Variants in CHST15 observed in about 807,000 individuals in gnomAD.
CHST15 encodes carbohydrate sulfotransferase 15.
CHST15 carries 30 observed loss-of-function variants against 53.6 expected under a neutral mutation model. That is an observed-to-expected ratio of 0.56 (90% CI 0.42 to 0.76). The LOEUF (loss-of-function observed/expected upper bound fraction) is 0.76. Ranked by LOEUF, CHST15 falls within the 30% of genes least tolerant of loss-of-function variation. The probability of loss-of-function intolerance (pLI) is 0.00; values close to 1 mark genes in which losing one functional copy is unlikely to be tolerated. For missense variants in CHST15, 627 were observed against 740.5 expected (o/e 0.85, Z 1.78); for synonymous variants, 296 against 289.8 (o/e 1.02, Z -0.22).
chr10:124,048,478 T>C (rs1012610765), intron 1 of CHST15, among the ~76,000 whole-genome samples: 2 of 152,150 alleles, frequency 1.3e-5, no homozygotes, highest in African/African-American at 4.8e-5. Flanking sequence ...TACCCCCATC[T>C]CTTATCCCTG....
intron 7 of CHST15, chr10:124,010,802 CCTG>C (rs1183656249): frequency 1.0e-6 from 1 of 985,324 alleles, no homozygotes; most frequent in Non-Finnish European, 1.2e-6. Flanking sequence ...GGTCCCTGGG[CCTG>C]CACAGTTTCA....
chr10:124,065,447 TTA>T (rs1948724403), intron 1 of CHST15, among the ~76,000 whole-genome samples: 1 of 152,170 alleles, frequency 6.6e-6, no homozygotes, highest in African/African-American at 2.4e-5. Flanking sequence ...GCCTCTAGGC[TTA>T]GTCTCTATGT....
chr10:124,060,945 T>C (rs1948552807), intron 1 of CHST15, among the ~76,000 whole-genome samples: 1 of 152,028 alleles, frequency 6.6e-6, no homozygotes, highest in Non-Finnish European at 1.5e-5. Flanking sequence ...TGAGCTGCCA[T>C]TTTATGGCAG....
At chr10:124,013,849 C>A (rs1193740506) in intron 6 of CHST15, among the ~76,000 whole-genome samples, 1 of 152,186 alleles carries the variant, frequency 6.6e-6, no homozygotes, top group African/African-American at 2.4e-5. Flanking sequence ...CTTCTCATCT[C>A]CCACCTCTCC....
At chr10:124,062,334 C>T (rs539849773) in intron 1 of CHST15, among the ~76,000 whole-genome samples, 1 of 152,302 alleles carries the variant, frequency 6.6e-6, no homozygotes, top group South Asian at 2.1e-4. Context: ...GGCACATACC[C>T]TTGTGGAAAG....
At chr10:124,023,790 T>C (rs906163136) in intron 5 of CHST15, among the ~76,000 whole-genome samples, 2 of 152,104 alleles carry the variant, frequency 1.3e-5, no homozygotes, top group African/African-American at 4.8e-5. Flanking sequence ...GGCAATTCTG[T>C]GACTCTCATT....
At chr10:124,013,110 ACT>A (rs1181216252) in intron 6 of CHST15, among the ~76,000 whole-genome samples, 1 of 150,942 alleles carries the variant, frequency 6.6e-6, no homozygotes, top group East Asian at 1.9e-4. Context: ...TGAAGATTTA[ACT>A]CTACTCAGAG....
At chr10:124,027,962 T>A (rs1256738882) in intron 5 of CHST15, among the ~76,000 whole-genome samples, 1 of 152,264 alleles carries the variant, frequency 6.6e-6, no homozygotes, top group Non-Finnish European at 1.5e-5. Context: ...TTTCGGGTTT[T>A]GTTTGTTTAG....
chr10:124,010,321 T>G lies in CHST15; in HGVS notation c.1514A>C (p.Gln505Pro). 1 of 1,605,548 alleles carries G rather than the reference T, an allele frequency of 6.2e-7. No homozygotes were observed. ...FLNLGPLSEK[Q>P]EALMTKSPAS... ...GGGGCTCTTGGTCATCAAAGCCTCC[T>G]GCTTCTCACTTAAGGGCCCTAGAAT... The change falls in exon 8 of 8, where the codon CAG (glutamine) becomes CCG (proline). Residue 505 changes from glutamine to proline, a missense_variant. By Grantham distance (76) the Gln-to-Pro change is moderately conservative (BLOSUM62 -1). This residue lies in a region of CHST15 where 279 missense variants were observed against 371.6 expected (regional missense o/e 0.75). Transcript: ENST00000435907.
At chr10:124,066,899 G>A (rs1686200135) in intron 1 of CHST15, among the ~76,000 whole-genome samples, 1 of 152,262 alleles carries the variant, frequency 6.6e-6, no homozygotes, top group Admixed American at 6.5e-5. Context: ...TTTGGTGACA[G>A]CACATGCCTT....
chr10:124,012,477 T>G lies in CHST15; in HGVS notation c.1351A>C (p.Arg451=). ...NNTLNNAMPV[R]LQVGLYAVYL... The stretch of plus-strand genomic sequence containing the variant: ...ACAGCATAGAGCCCAACCTGGAGCC[T>G]CACCTAGGACCACAGAAGAAGGGCA... Residue 451 remains arginine (R), a synonymous_variant, in exon 7 of 8, where the codon AGG becomes CGG. Transcript: ENST00000435907. 1 of 1,612,440 alleles carries G rather than the reference T, an allele frequency of 6.2e-7. No individual in the cohort carries two copies. Among genetic ancestry groups the G allele is most frequent in the Non-Finnish European group, 8.5e-7 (1 of 1,178,824 alleles).
chr10:124,059,519 C>T (rs1948489662), intron 1 of CHST15, among the ~76,000 whole-genome samples: 1 of 152,146 alleles, frequency 6.6e-6, no homozygotes, highest in Non-Finnish European at 1.5e-5. Context: ...CCCCAGAGTC[C>T]CCTTGCCCAC....
chr10:124,039,381 G>A (rs1947648430), intron 4 of CHST15, among the ~76,000 whole-genome samples: 1 of 152,336 alleles, frequency 6.6e-6, no homozygotes, highest in South Asian at 2.1e-4. Context: ...AAAGCGTCAG[G>A]AGAAAGGAGG....
intron 7 of CHST15, 146 bp downstream of exon 7, chr10:124,012,187 A>C: frequency 2.5e-6 from 2 of 808,074 alleles, no homozygotes; most frequent in Non-Finnish European, 3.9e-6. Flanking sequence ...ATGGTACTTA[A>C]CAGGCCTCCT....
intron 5 of CHST15, among the ~76,000 whole-genome samples, chr10:124,025,353 T>G (rs530024735): frequency 3.3e-5 from 5 of 152,216 alleles, no homozygotes; most frequent in African/African-American, 1.2e-4. Flanking sequence ...GTGAGTCACA[T>G]GTACAGCCTT....
intron 1 of CHST15, among the ~76,000 whole-genome samples, chr10:124,090,693 T>C (rs532620860): frequency 4.3e-4 from 65 of 152,308 alleles, no homozygotes; most frequent in African/African-American, 1.4e-3. Context: ...GACAAAGGTG[T>C]GGAAGGAAAC....
At chr10:124,047,903 CAA>C (rs1396040280) in intron 1 of CHST15, among the ~76,000 whole-genome samples, 2 of 152,130 alleles carry the variant, frequency 1.3e-5, no homozygotes, top group African/African-American at 2.4e-5. Flanking sequence ...GAAAATTACC[CAA>C]GAGTGGTAGA....
chr10:124,023,485 CAAA>C (rs144190606), intron 5 of CHST15, among the ~76,000 whole-genome samples: 1 of 135,156 alleles, frequency 7.4e-6, no homozygotes. Flanking sequence ...GAACCTCTCT[CAAA>C]AAAAAAAAAA....
chr10:124,040,178 T>C (rs1947682845), intron 4 of CHST15, among the ~76,000 whole-genome samples: 1 of 152,218 alleles, frequency 6.6e-6, no homozygotes, highest in Admixed American at 6.5e-5. Context: ...GAACTGGTTT[T>C]AGAGCCATGG....
Sources: allele counts gnomAD v4.1 joint callset (sites outside exome capture counted in the v4.1 genomes callset), GRCh38; gene constraint gnomAD v4.1.1; regional missense constraint gnomAD v4.1.1; transcripts MANE v1.5; gene names NCBI Gene and HGNC (gene_info 2026-07-23, HGNC 2026-07-21).